FBXL17: variants seen among roughly 807,000 people sequenced by gnomAD.
FBXL17 encodes the protein F-box and leucine rich repeat protein 17.
In FBXL17, 22 loss-of-function variants were observed where a neutral mutation model predicts 66.2. The observed-to-expected ratio is 0.33, with a 90% CI of 0.24 to 0.47. The LOEUF (loss-of-function observed/expected upper bound fraction) is 0.47. FBXL17 is among the 20% of genes least tolerant of loss of function. The pLI, the probability that FBXL17 is intolerant of heterozygous loss-of-function variation, is 1.00. For synonymous variants in FBXL17, 474 were observed against 400.5 expected, an observed-to-expected ratio of 1.18 and a Z score of -2.19; for missense variants, 878 against 948.2, an observed-to-expected ratio of 0.93 and a Z score of 0.97.
rs557659115 is a variant in FBXL17 at position 107,881,026 on chromosome 5, T to C, written c.1965+11A>G. ...ATGTAGAAAGCAAACAACTTGATAGTCAACTCTTACTTTATCACATCTCAT... is the reference window on the plus strand; with the variant it reads ...ATGTAGAAAGCAAACAACTTGATAGCCAACTCTTACTTTATCACATCTCAT... On this transcript the variant is annotated intron_variant, in intron 8 of 8. Coordinates refer to ENST00000542267, the MANE Select transcript of FBXL17 (RefSeq NM_001163315.3). 4 of 1,614,080 alleles carry C rather than the reference T, an allele frequency of 2.5e-6. No individual in the cohort carries two copies. The highest frequency in any genetic ancestry group is 4.5e-5 in the East Asian group (2 of 44,862).
chr5:108,131,804 C>T (rs1246520744), intron 6 of FBXL17, among the ~76,000 whole-genome samples: 1 of 151,982 alleles, frequency 6.6e-6, no homozygotes, highest in African/African-American at 2.4e-5. Context: ...AAAATTATCT[C>T]AATAAATGTA....
At chr5:108,116,995 C>A (rs1442755615) in intron 6 of FBXL17, among the ~76,000 whole-genome samples, 3 of 151,958 alleles carry the variant, frequency 2.0e-5, no homozygotes, top group Admixed American at 2.0e-4. Context: ...TTTGTTATTT[C>A]AAGTGTATGA....
chr5:108,178,117 C>T (rs955896394), intron 6 of FBXL17, among the ~76,000 whole-genome samples: 14 of 152,000 alleles, frequency 9.2e-5, no homozygotes, highest in Admixed American at 7.9e-4. Context: ...TCTCTGCCTC[C>T]CAGTCTCAAG....
intron 6 of FBXL17, among the ~76,000 whole-genome samples, chr5:108,114,480 T>C (rs1324036089): frequency 6.6e-6 from 1 of 152,206 alleles, no homozygotes; most frequent in Non-Finnish European, 1.5e-5. Context: ...GAAAATAATT[T>C]TATAGCCAAT....
intron 6 of FBXL17, among the ~76,000 whole-genome samples, chr5:108,095,571 T>C (rs1295842268): frequency 6.6e-6 from 1 of 152,164 alleles, no homozygotes; most frequent in South Asian, 2.1e-4. Context: ...TCTGTTTTGA[T>C]AATTTATTGA....
chr5:108,293,563 T>C (rs989900684), intron 4 of FBXL17, among the ~76,000 whole-genome samples: 6 of 152,156 alleles, frequency 3.9e-5, no homozygotes, highest in African/African-American at 9.7e-5. Flanking sequence ...AAGTCTAAAA[T>C]GAAGATTATA....
At chr5:107,939,801 C>T (rs116843874) in intron 7 of FBXL17, among the ~76,000 whole-genome samples, 1 of 152,198 alleles carries the variant, frequency 6.6e-6, no homozygotes, top group East Asian at 1.9e-4. Flanking sequence ...CTTGTGCACT[C>T]CTGTCTCAAG....
intron 4 of FBXL17, among the ~76,000 whole-genome samples, chr5:108,303,313 G>A (rs925041186): frequency 2.7e-5 from 4 of 150,628 alleles, no homozygotes; most frequent in Non-Finnish European, 5.9e-5. Flanking sequence ...TCTAGTCTCA[G>A]TTCAATTCCC....
At chr5:108,347,061 A>G (rs190188320) in intron 4 of FBXL17, among the ~76,000 whole-genome samples, 1 of 152,186 alleles carries the variant, frequency 6.6e-6, no homozygotes, top group Non-Finnish European at 1.5e-5. Flanking sequence ...AAATACAGAC[A>G]TGCATTGCTT....
intron 7 of FBXL17, among the ~76,000 whole-genome samples, chr5:107,996,137 C>T (rs1218388363): frequency 6.6e-6 from 1 of 152,192 alleles, no homozygotes; most frequent in African/African-American, 2.4e-5. Flanking sequence ...ACACGCCATG[C>T]CTGATTTTTT....
At chr5:108,350,088 T>C (rs747095834) in intron 3 of FBXL17, among the ~76,000 whole-genome samples, 1 of 152,190 alleles carries the variant, frequency 6.6e-6, no homozygotes, top group Non-Finnish European at 1.5e-5. Context: ...CTATAACAAA[T>C]GTTGAGGAAA....
chr5:108,011,139 T>C (rs555797018), intron 7 of FBXL17, among the ~76,000 whole-genome samples: 3 of 152,200 alleles, frequency 2.0e-5, no homozygotes, highest in Non-Finnish European at 4.4e-5. Context: ...ATAGGAAAGT[T>C]GGGACATGTT....
At chr5:107,936,155 T>C (rs1247912245) in intron 7 of FBXL17, among the ~76,000 whole-genome samples, 1 of 28,624 alleles carries the variant, frequency 3.5e-5, no homozygotes, top group Non-Finnish European at 7.4e-5. Flanking sequence ...GTTGTATTGA[T>C]AGTTTCTTTT....
intron 1 of FBXL17, among the ~76,000 whole-genome samples, chr5:108,379,394 A>G (rs569988039): frequency 6.6e-6 from 1 of 152,302 alleles, no homozygotes; most frequent in African/African-American, 2.4e-5. Flanking sequence ...AAGAGTAGGC[A>G]ATTACTCTTC....
chr5:108,167,228 T>C (rs562384447), intron 6 of FBXL17, among the ~76,000 whole-genome samples: 1 of 152,340 alleles, frequency 6.6e-6, no homozygotes, highest in South Asian at 2.1e-4. Flanking sequence ...AAGAATCTGC[T>C]AGCGTCTTTA....
intron 4 of FBXL17, among the ~76,000 whole-genome samples, chr5:108,236,856 C>A (rs887146253): frequency 6.6e-6 from 1 of 152,190 alleles, no homozygotes; most frequent in East Asian, 1.9e-4. Flanking sequence ...ATAAAGTAAT[C>A]TCCTTAGACT....
intron 7 of FBXL17, among the ~76,000 whole-genome samples, chr5:107,973,816 C>T (rs1354861562): frequency 6.7e-6 from 1 of 149,152 alleles, no homozygotes; most frequent in African/African-American, 2.5e-5. Context: ...CCCCTATTGG[C>T]TTATGGTAAA....
chr5:108,297,750 G>A (rs928997099), intron 4 of FBXL17: 4 of 647,286 alleles, frequency 6.2e-6, no homozygotes, highest in African/African-American at 5.9e-5. Context: ...TTCAAAAAAA[G>A]TTTATTCATA....
chr5:108,239,527 A>G (rs1283304970), intron 4 of FBXL17, among the ~76,000 whole-genome samples: 6 of 152,184 alleles, frequency 3.9e-5, no homozygotes, highest in Non-Finnish European at 8.8e-5. Flanking sequence ...CCCTAGCCAG[A>G]GGGGAATTCT....
Sources: gnomAD v4.1 joint callset for allele counts (sites outside exome capture counted in the v4.1 genomes callset) on GRCh38, gnomAD v4.1.1 for gene constraint, MANE v1.5 for transcripts, NCBI Gene and HGNC (gene_info 2026-07-23, HGNC 2026-07-21) for gene names.